Variants in UBA2 observed in about 807,000 individuals in gnomAD.
UBA2 encodes SUMO-activating enzyme subunit 2.
UBA2 carries 11 observed loss-of-function variants against 77.2 expected under a neutral mutation model. The ratio of observed to expected loss-of-function variants is 0.14; its 90% CI spans 0.09 to 0.24. The LOEUF (loss-of-function observed/expected upper bound fraction) is 0.24, where lower values mean the gene tolerates loss of function less well. Ranked by LOEUF, UBA2 falls within the 10% of genes least tolerant of loss-of-function variation. The pLI is 1.00. For synonymous variants in UBA2, 278 were observed against 276.7 expected, an observed-to-expected ratio of 1.00 and a Z score of -0.05; for missense variants, 487 against 781.7, an observed-to-expected ratio of 0.62 and a Z score of 4.50.
chr19:34,432,280 C>G (rs1358191574), intron 3 of UBA2, among the ~76,000 whole-genome samples: 1 of 152,088 alleles, frequency 6.6e-6, no homozygotes, highest in Non-Finnish European at 1.5e-5. Context: ...AAAAGTTTCC[C>G]TCCCAAAATA....
intron 10 of UBA2, among the ~76,000 whole-genome samples, chr19:34,452,975 A>G (rs940888695): frequency 2.0e-5 from 3 of 152,130 alleles, no homozygotes; most frequent in African/African-American, 7.2e-5. Context: ...TTGTTATGCT[A>G]GTGATTTGGG....
In UBA2 at chr19:34,451,966, TA is replaced by T. The variant is rs748434532; in HGVS notation, c.872-14del. On this transcript the variant is annotated splice_polypyrimidine_tract_variant and intron_variant, in intron 9 of 16. Coordinates refer to ENST00000246548, the MANE Select transcript of UBA2 (RefSeq NM_005499.3). ...TAATTAGTGAAATTTCTAATATATA[TA>T]TTTTTTTCTTTAGGAGAAGAAACGA... 7.0e-5 allele frequency: 101 copies of T among 1,433,274 alleles called. No homozygotes were observed. Among genetic ancestry groups the T allele is most frequent in the Middle Eastern group, 3.7e-4 (2 of 5,394 alleles). The allele number at this position is 1,433,274 out of a possible 1,614,324, so 88.8% of individuals were successfully genotyped here. A position where few individuals can be genotyped will look rare whatever the true frequency, so the allele number is the denominator to read the frequency against.
intron 7 of UBA2, 122 bp downstream of exon 7, chr19:34,444,033 GTTTTT>G: frequency 9.9e-6 from 2 of 202,742 alleles, no homozygotes; most frequent in African/African-American, 3.3e-5. Flanking sequence ...TTTAACATGT[GTTTTT>G]TTTTTGTTTT....
chr19:34,450,597 T>C (rs998144766), intron 9 of UBA2, among the ~76,000 whole-genome samples: 3 of 152,186 alleles, frequency 2.0e-5, no homozygotes, highest in Non-Finnish European at 4.4e-5. Context: ...GCATTCGTTA[T>C]ACACTGCGTA....
rs115030285 is a variant in UBA2 at position 34,462,249 on chromosome 19, G to A, written c.1498+1683G>A. 3.3e-3 allele frequency among the ~76,000 whole-genome samples: 503 copies of A among 152,258 alleles called. 2 individuals are homozygous for A. Among genetic ancestry groups the A allele is most frequent in the African/African-American group, 0.011 (473 of 41,532 alleles). ...AGGGGATTGAGGGATTTTTACTAAG[G>A]CAGAGGCAGGTGATAGATTTGAGAT... On this transcript the variant is annotated intron_variant, in intron 14 of 16. Transcript: ENST00000246548.
intron 6 of UBA2, among the ~76,000 whole-genome samples, chr19:34,439,159 G>C (rs1178216704): frequency 2.0e-5 from 3 of 148,982 alleles, no homozygotes; most frequent in African/African-American, 7.4e-5. Context: ...AGTGAGCCGA[G>C]ATCGCGCCAC....
chr19:34,433,023 T>C (rs1231645593), intron 3 of UBA2, among the ~76,000 whole-genome samples: 1 of 152,170 alleles, frequency 6.6e-6, no homozygotes, highest in East Asian at 1.9e-4. Context: ...AGGCAGATCC[T>C]GGGAATGTGT....
At chr19:34,434,039 AAAGTAT>A (rs149772907) in intron 4 of UBA2, among the ~76,000 whole-genome samples, 8,411 of 152,284 alleles carry the variant, frequency 0.055, 319 homozygotes, top group Non-Finnish European at 0.088. Flanking sequence ...TCCACATGTA[AAAGTAT>A]ATCTACTAAG....
intron 4 of UBA2, among the ~76,000 whole-genome samples, chr19:34,434,634 G>A (rs1291649280): frequency 6.6e-6 from 1 of 152,124 alleles, no homozygotes; most frequent in Non-Finnish European, 1.5e-5. Flanking sequence ...AAGATTATGT[G>A]TTTCTGTGGG....
chr19:34,440,307 C>CAA (rs60873964), intron 6 of UBA2, among the ~76,000 whole-genome samples: 100 of 90,436 alleles, frequency 1.1e-3, no homozygotes, highest in South Asian at 1.3e-3. Flanking sequence ...GATGATGTTT[C>CAA]AAAAAAAAAA....
chr19:34,431,517 A>G (rs2075255330), intron 2 of UBA2, among the ~76,000 whole-genome samples: 1 of 152,096 alleles, frequency 6.6e-6, no homozygotes, highest in Non-Finnish European at 1.5e-5. Context: ...TACGTTGTAT[A>G]GTTCCTGGTA....
At chr19:34,460,355 C>T (rs553075602) in intron 13 of UBA2, 115 bp from the exon 14 acceptor site, 37 of 712,024 alleles carry the variant, frequency 5.2e-5, no homozygotes, top group South Asian at 4.9e-4. Context: ...AGAGTGACTT[C>T]GCCGGTTTCC....
At chr19:34,462,906 C>T (rs2075647088) in intron 14 of UBA2, among the ~76,000 whole-genome samples, 1 of 152,028 alleles carries the variant, frequency 6.6e-6, no homozygotes, top group African/African-American at 2.4e-5. Flanking sequence ...ACCAGCTTGG[C>T]CAATATGGCA....
At chr19:34,445,591 A>G (rs529625366) in intron 8 of UBA2, among the ~76,000 whole-genome samples, 447 of 152,086 alleles carry the variant, frequency 2.9e-3, no homozygotes, top group Non-Finnish European at 4.6e-3. Context: ...GGTGTGTACC[A>G]TCAGGCCTGG....
intron 14 of UBA2, among the ~76,000 whole-genome samples, chr19:34,463,639 T>C (rs939808276): frequency 4.6e-5 from 7 of 152,248 alleles, no homozygotes; most frequent in Middle Eastern, 3.4e-3. Flanking sequence ...TGCTGCTCTG[T>C]TGCCTAGCAG....
Position 34,470,970 on chromosome 19 carries a change from TGTCCCCTAGTTTACCA to T in UBA2, c.*1750_*1765del, listed in dbSNP as rs1296703563. The T allele has an allele frequency of 2.0e-5, 3 of 152,240 alleles. No individual in the cohort carries two copies. The highest frequency in any genetic ancestry group is 4.4e-5 in the Non-Finnish European group (3 of 68,066). The allele number at this position is 152,240 out of a possible 1,614,324, so 9.4% of individuals were successfully genotyped here. A position where few individuals can be genotyped will look rare whatever the true frequency, so the allele number is the denominator to read the frequency against. ...TCCTTTCTGCAGTGTTTGTCTGGGT[TGTCCCCTAGTTTACCA>T]AAGTCCATTTTGAATGTACCATCCC... On this transcript the variant is annotated 3_prime_UTR_variant, in exon 17 of 17. Coordinates refer to ENST00000246548, the MANE Select transcript of UBA2 (RefSeq NM_005499.3).
At chr19:34,455,722 C>A (rs1168099735) in intron 12 of UBA2, among the ~76,000 whole-genome samples, 1 of 152,166 alleles carries the variant, frequency 6.6e-6, no homozygotes, top group Non-Finnish European at 1.5e-5. Context: ...TGGCTCACTG[C>A]AACCTCCACC....
At chr19:34,451,386 C>T (rs1045783234) in intron 9 of UBA2, among the ~76,000 whole-genome samples, 4 of 152,056 alleles carry the variant, frequency 2.6e-5, no homozygotes, top group Non-Finnish European at 4.4e-5. Context: ...AATTATGACT[C>T]TAGTAGTGTC....
intron 4 of UBA2, among the ~76,000 whole-genome samples, chr19:34,434,252 A>T (rs1172683868): frequency 6.6e-6 from 1 of 152,272 alleles, no homozygotes; most frequent in African/African-American, 2.4e-5. Context: ...GCTACTCTGC[A>T]GACAGGTACC....
Sources: allele counts gnomAD v4.1 joint callset (sites outside exome capture counted in the v4.1 genomes callset), GRCh38; gene constraint gnomAD v4.1.1; transcripts MANE v1.5; gene names NCBI Gene and HGNC (gene_info 2026-07-23, HGNC 2026-07-21).